The following PLEKHG1 variants were observed in gnomAD, a reference collection of about 807,000 sequenced individuals.
PLEKHG1 encodes the protein pleckstrin homology domain-containing family G member 1.
A neutral mutation model predicts 100.8 loss-of-function variants in PLEKHG1; 44 were observed. The observed-to-expected ratio is 0.44, with a 90% confidence interval of 0.34 to 0.56. The LOEUF is 0.56. PLEKHG1 is among the 20% of genes least tolerant of loss of function. The pLI, the probability that PLEKHG1 is intolerant of heterozygous loss-of-function variation, is 0.01. For missense variants in PLEKHG1, 1,545 were observed against 1,720.9 expected (o/e 0.90, Z 1.81); for synonymous variants, 640 against 662.5 (o/e 0.97, Z 0.52).
At chr6:150,835,359 G>T (rs901828642) in intron 15 of PLEKHG1, among the ~76,000 whole-genome samples, 3 of 152,100 alleles carry the variant, frequency 2.0e-5, no homozygotes, top group Non-Finnish European at 4.4e-5. Flanking sequence ...GTAGAGTAGG[G>T]AAGGCACAAT....
At chr6:150,811,651 G>A (rs73783120) in intron 10 of PLEKHG1, among the ~76,000 whole-genome samples, 8,207 of 150,006 alleles carry the variant, frequency 0.055, 376 homozygotes, top group African/African-American at 0.12. Flanking sequence ...AAAAAAAAAA[G>A]AGAGAATGTA....
intron 1 of PLEKHG1, among the ~76,000 whole-genome samples, chr6:150,624,088 A>G (rs1359493949): frequency 3.3e-5 from 5 of 152,218 alleles, no homozygotes; most frequent in Non-Finnish European, 7.3e-5. Context: ...CACAATCCTC[A>G]TGTAAGATCC....
intron 3 of PLEKHG1, chr6:150,686,922 G>A (rs986832555): frequency 1.3e-5 from 2 of 152,618 alleles, no homozygotes; most frequent in African/African-American, 4.8e-5. Flanking sequence ...TGGAGGAATC[G>A]AAGCTCTCCT....
At chr6:150,741,212 A>C (rs1782837613) in intron 2 of PLEKHG1, among the ~76,000 whole-genome samples, 1 of 152,236 alleles carries the variant, frequency 6.6e-6, no homozygotes, top group Non-Finnish European at 1.5e-5. Flanking sequence ...AAACAGTTCA[A>C]GGTGGGCAGC....
intron 2 of PLEKHG1, among the ~76,000 whole-genome samples, chr6:150,765,507 A>AAAAT (rs1784414237): frequency 6.6e-6 from 1 of 151,760 alleles, no homozygotes; most frequent in South Asian, 2.1e-4. Context: ...GAAAAAAAAA[A>AAAAT]ATTTAATGTG....
upstream of PLEKHG1, among the ~76,000 whole-genome samples, chr6:150,718,214 A>C (rs1403584703): frequency 6.6e-6 from 1 of 152,194 alleles, no homozygotes; most frequent in Admixed American, 6.5e-5. Flanking sequence ...TGTGTGTCTT[A>C]AGATTGTTCA....
intron 10 of PLEKHG1, among the ~76,000 whole-genome samples, chr6:150,815,264 T>C (rs1583185468): frequency 6.6e-6 from 1 of 152,216 alleles, no homozygotes; most frequent in East Asian, 1.9e-4. Flanking sequence ...ACTCATTAGT[T>C]ACAGCCTCCC....
intron 2 of PLEKHG1, among the ~76,000 whole-genome samples, chr6:150,644,743 T>C (rs995893487): frequency 1.3e-5 from 2 of 152,154 alleles, no homozygotes; most frequent in African/African-American, 4.8e-5. Context: ...TTTTAAAAGG[T>C]AACTTCTCCA....
intron 3 of PLEKHG1, among the ~76,000 whole-genome samples, chr6:150,703,981 A>C (rs1361845876): frequency 6.6e-6 from 1 of 152,242 alleles, no homozygotes; most frequent in Non-Finnish European, 1.5e-5. Context: ...TCAGTTTGAC[A>C]TAGTAGAGCC....
chr6:150,806,559 G>A (rs1009280532), intron 7 of PLEKHG1, among the ~76,000 whole-genome samples: 1 of 151,640 alleles, frequency 6.6e-6, no homozygotes, highest in East Asian at 1.9e-4. Context: ...GGTGGCACAC[G>A]CCTGTAATCC....
chr6:150,654,820 CTTG>C (rs1275093119), intron 3 of PLEKHG1, among the ~76,000 whole-genome samples: 2 of 152,200 alleles, frequency 1.3e-5, no homozygotes, highest in Non-Finnish European at 2.9e-5. Context: ...GAATAAGTAA[CTTG>C]TTGTATTGAG....
intron 1 of PLEKHG1, among the ~76,000 whole-genome samples, chr6:150,634,605 A>C (rs1777912984): frequency 6.6e-6 from 1 of 152,260 alleles, no homozygotes; most frequent in Non-Finnish European, 1.5e-5. Context: ...AAAATATTTC[A>C]ACTGAAAGAA....
intron 3 of PLEKHG1, among the ~76,000 whole-genome samples, chr6:150,677,581 TCA>T (rs1779803449): frequency 6.6e-6 from 1 of 152,118 alleles, no homozygotes; most frequent in Admixed American, 6.5e-5. Context: ...CCACTTATGT[TCA>T]CACACCTGAT....
intron 2 of PLEKHG1, among the ~76,000 whole-genome samples, chr6:150,750,407 G>A (rs775082577): frequency 1.3e-5 from 2 of 152,214 alleles, no homozygotes; most frequent in South Asian, 2.1e-4. Flanking sequence ...GCCGGGGTCC[G>A]TTTTCCTTGA....
intron 2 of PLEKHG1, among the ~76,000 whole-genome samples, chr6:150,648,665 T>A (rs1778595193): frequency 6.6e-6 from 1 of 152,156 alleles, no homozygotes; most frequent in African/African-American, 2.4e-5. Context: ...TTGTACCTTA[T>A]CAGATTTGTG....
chr6:150,812,415 TGAG>T lies in PLEKHG1; in HGVS notation c.1278+2685_1278+2687del, dbSNP rs559302502. ...TAGCAGAGGAGGCAGGGAGGATGTC[TGAG>T]GAGAAGGCACTGCGCTAACAAGGAA... On this transcript the variant is annotated intron_variant, in intron 10 of 15. Coordinates refer to ENST00000358517, the Ensembl canonical transcript of PLEKHG1. Among the ~76,000 whole-genome samples the T allele has an allele frequency of 1.3e-3, 198 of 152,150 alleles. 1 individual carries two copies. Among genetic ancestry groups the T allele is most frequent in the African/African-American group, 4.8e-3 (198 of 41,500 alleles).
chr6:150,708,644 T>G (rs976888402), intron 3 of PLEKHG1, among the ~76,000 whole-genome samples: 1 of 152,226 alleles, frequency 6.6e-6, no homozygotes, highest in Non-Finnish European at 1.5e-5. Flanking sequence ...CATAATTGTA[T>G]ATAAACTTAA....
intron 3 of PLEKHG1, among the ~76,000 whole-genome samples, chr6:150,779,970 A>T (rs1264256954): frequency 6.6e-6 from 1 of 151,516 alleles, no homozygotes; most frequent in Non-Finnish European, 1.5e-5. Context: ...CTCAAAAAAA[A>T]AAGAAAGAAA....
intron 1 of PLEKHG1, among the ~76,000 whole-genome samples, chr6:150,635,315 T>C (rs1777946943): frequency 6.6e-6 from 1 of 152,194 alleles, no homozygotes; most frequent in African/African-American, 2.4e-5. Context: ...ATGTTTTTAA[T>C]GCCCCGAGAT....
Sources: gnomAD v4.1 joint callset for allele counts (sites outside exome capture counted in the v4.1 genomes callset) on GRCh38, gnomAD v4.1.1 for gene constraint, MANE v1.5 for transcripts, NCBI Gene and HGNC (gene_info 2026-07-23, HGNC 2026-07-21) for gene names.